Variants in EIF2AK1 observed in about 807,000 individuals in gnomAD.
The protein encoded by EIF2AK1 is eukaryotic translation initiation factor 2 alpha kinase 1.
A neutral mutation model predicts 77.9 loss-of-function variants in EIF2AK1; 54 were observed. The observed-to-expected ratio is 0.69, with a 90% CI of 0.56 to 0.87. The LOEUF (loss-of-function observed/expected upper bound fraction) is 0.87. Among genes scored for constraint, EIF2AK1 ranks in the 40% least tolerant of loss-of-function variants. The probability of loss-of-function intolerance (pLI) is 0.00; values close to 1 mark genes in which losing one functional copy is unlikely to be tolerated. For synonymous variants in EIF2AK1, 314 were observed against 290.5 expected, an observed-to-expected ratio of 1.08 and a Z score of -0.82; for missense variants, 810 against 768.6, an observed-to-expected ratio of 1.05 and a Z score of -0.64.
intron 1 of EIF2AK1, among the ~76,000 whole-genome samples, chr7:6,056,047 C>G (rs1468802507): frequency 7.0e-6 from 1 of 143,436 alleles, no homozygotes; most frequent in Non-Finnish European, 1.5e-5. Flanking sequence ...AATTCCAGCA[C>G]TTAGAGAGGC....
chr7:6,038,666 C>G lies in EIF2AK1; in HGVS notation c.1125G>C (p.Gln375His). 1 of 1,610,428 alleles carries G rather than the reference C, an allele frequency of 6.2e-7. No individual in the cohort carries two copies. The highest frequency in any genetic ancestry group is 8.5e-7 in the Non-Finnish European group (1 of 1,178,220). The part of the protein sequence containing the change: ...NVNFLGQTEA[Q>H]YHLMLHIQMQ... ...TCTGGATGTGCAGCATCAGGTGGTA[C>G]TGTGCCTAGGAGAGGACACAGTGAT... The change falls in exon 10 of 15, where the codon CAG becomes CAC. Residue 375 changes from glutamine to histidine, a missense_variant. Coordinates refer to ENST00000199389, the MANE Select transcript of EIF2AK1 (RefSeq NM_014413.4).
rs762745274 is a variant in EIF2AK1, at chr7:6,023,562, C to T, written c.*1111G>A. ...CTGGGAATGAACTCACCGTAGCAGACGTGGTGCTGTGGTCTGTACTCCAGC... is the reference window on the plus strand; with the variant it reads ...CTGGGAATGAACTCACCGTAGCAGATGTGGTGCTGTGGTCTGTACTCCAGC... On this transcript the variant is annotated 3_prime_UTR_variant, in exon 15 of 15. Transcript: ENST00000199389. 9 of 1,614,214 alleles carry T rather than the reference C, an allele frequency of 5.6e-6. No individual in the cohort carries two copies. Among genetic ancestry groups the T allele is most frequent in the Admixed American group, 3.3e-5 (2 of 60,022 alleles).
chr7:6,055,825 C>T (rs908303215), intron 1 of EIF2AK1, among the ~76,000 whole-genome samples: 1 of 143,600 alleles, frequency 7.0e-6, no homozygotes, highest in South Asian at 2.2e-4. Context: ...TACGAAAAAA[C>T]AAAATTAGCC....
intron 9 of EIF2AK1, among the ~76,000 whole-genome samples, chr7:6,039,231 A>C (rs1350903217): frequency 6.6e-6 from 1 of 152,194 alleles, no homozygotes; most frequent in Non-Finnish European, 1.5e-5. Flanking sequence ...TTTTCCAAAT[A>C]AAATACAGAG....
rs1227116674 is a variant in EIF2AK1 at position 6,034,003 on chromosome 7, C to T, written c.1332+3421G>A. Among the ~76,000 whole-genome samples, 2 of 151,864 alleles carry T rather than the reference C, an allele frequency of 1.3e-5. 1 individual carries two copies. The highest frequency in any genetic ancestry group is 2.9e-5 in the Non-Finnish European group (2 of 68,026). On this transcript the variant is annotated intron_variant, in intron 11 of 14. Transcript: ENST00000199389. ...GACACTTAGCACGTGCTCAGTAATACTATCCGAGTGAATGAAAGAATTAAG... is the reference window on the plus strand; with the variant it reads ...GACACTTAGCACGTGCTCAGTAATATTATCCGAGTGAATGAAAGAATTAAG...
chr7:6,041,199 T>C lies in EIF2AK1; in HGVS notation c.812A>G (p.Asn271Ser). The change falls in exon 9 of 15, where the codon AAT (asparagine) becomes AGT (serine). Residue 271 changes from asparagine (N) to serine (S), a missense_variant. Physicochemically the swap from Asn to Ser is conservative, Grantham distance 46. Around this residue, in one of 3 missense-constraint regions of EIF2AK1, gnomAD observed 549 missense variants for 533.7 expected, o/e 1.03. Transcript: ENST00000199389. The stretch of plus-strand genomic sequence containing the variant: ...AATGGATGAGCTGCTACTTTCATCA[T>C]TTTTAACACCACATTGCTCTCTGAA... ...EEDREQCGVK[N>S]DESSSSSIIF... 1 of 1,607,108 alleles carries C rather than the reference T, an allele frequency of 6.2e-7. No homozygotes were observed. The highest frequency in any genetic ancestry group is 8.5e-7 in the Non-Finnish European group (1 of 1,178,606).
intron 4 of EIF2AK1, 25 bp from the exon 5 acceptor site, chr7:6,047,116 A>G (rs1044536565): frequency 6.3e-7 from 1 of 1,589,316 alleles, no homozygotes; most frequent in Non-Finnish European, 8.6e-7. Context: ...CAAACAATCA[A>G]TATTAAAACA....
Position 6,056,613 on chromosome 7 carries a change from A to AATAT in EIF2AK1, c.119-1913_119-1910dup, listed in dbSNP as rs71008353. ...CATCTCAAGGGAAAAAAAAAAAAAA[A>AATAT]ATATATATATATATATATATATAAA... On this transcript the variant is annotated intron_variant, in intron 1 of 14. Coordinates refer to ENST00000199389, the MANE Select transcript of EIF2AK1 (RefSeq NM_014413.4). Among the ~76,000 whole-genome samples, 15 of 43,738 alleles carry AATAT rather than the reference A, an allele frequency of 3.4e-4. 1 individual carries two copies. Among genetic ancestry groups the AATAT allele is most frequent in the South Asian group, 8.1e-4 (1 of 1,238 alleles). 28.7% of individuals were successfully genotyped at this position (43,738 alleles called of 152,430 possible).
In EIF2AK1 at chr7:6,023,251, C is replaced by T. The variant is rs1787567578; in HGVS notation, c.*1422G>A. 7 of 1,525,792 alleles carry T rather than the reference C, an allele frequency of 4.6e-6. No homozygotes were observed. In the South Asian group the frequency reaches 9.1e-5, roughly 20 times the overall value. 94.5% of individuals were successfully genotyped at this position (1,525,792 alleles called of 1,614,324 possible). ...TGTCCCCTTCCCCACTGTGCGAGTA[C>T]TTCCCTCAGGGCTGCTCTGGTGATG... On this transcript the variant is annotated 3_prime_UTR_variant, in exon 15 of 15. Coordinates refer to ENST00000199389, the MANE Select transcript of EIF2AK1 (RefSeq NM_014413.4).
Position 6,024,548 on chromosome 7 carries a change from A to G in EIF2AK1, c.*125T>C. On this transcript the variant is annotated 3_prime_UTR_variant, in exon 15 of 15. Transcript: ENST00000199389. ...AAGGGAAGGAACGGCAGCTTGGGGCACTCTGACATCTTTAACAAGTCTTGT... is the reference window on the plus strand; with the variant it reads ...AAGGGAAGGAACGGCAGCTTGGGGCGCTCTGACATCTTTAACAAGTCTTGT... 1 of 1,506,956 alleles carries G rather than the reference A, an allele frequency of 6.6e-7. No individual in the cohort carries two copies. The highest frequency in any genetic ancestry group is 2.3e-5 in the Admixed American group (1 of 43,040). 93.3% of individuals were successfully genotyped at this position (1,506,956 alleles called of 1,614,324 possible). A position where few individuals can be genotyped will look rare whatever the true frequency, so the allele number is the denominator to read the frequency against.
chr7:6,047,154 C>G, intron 4 of EIF2AK1, 63 bp from the exon 5 acceptor site: 1 of 1,466,680 alleles, frequency 6.8e-7, no homozygotes, highest in Non-Finnish European at 9.5e-7. Flanking sequence ...TCTAGGATAC[C>G]TCATGCTCAC....
intron 2 of EIF2AK1, among the ~76,000 whole-genome samples, chr7:6,052,391 C>T (rs866064227): frequency 2.6e-5 from 4 of 151,746 alleles, no homozygotes; most frequent in African/African-American, 7.2e-5. Flanking sequence ...CACCTCCCAC[C>T]ACATATGCCA....
intron 1 of EIF2AK1, among the ~76,000 whole-genome samples, chr7:6,055,676 T>TAA (rs34819894): frequency 4.4e-4 from 51 of 116,230 alleles, no homozygotes; most frequent in African/African-American, 6.7e-4. Context: ...ACTAAACAGG[T>TAA]AAAAAAAAAA....
In EIF2AK1 at chr7:6,048,899, G is replaced by C. The variant is rs141020651; in HGVS notation, c.412-55C>G. 3.8e-6 allele frequency: 5 copies of C among 1,304,536 alleles called. No individual in the cohort carries two copies. In the African/African-American group the frequency reaches 4.5e-5, roughly 12 times the overall value. The allele number at this position is 1,304,536 out of a possible 1,614,324, so 80.8% of individuals were successfully genotyped here. ...ATTTTGAAAACTTGCATGGAATAAA[G>C]AACCTATCAAAATTCAATATCACAT... On this transcript the variant is annotated intron_variant, in intron 3 of 14. Coordinates refer to ENST00000199389, the MANE Select transcript of EIF2AK1 (RefSeq NM_014413.4).
At chr7:6,055,875 C>A (rs1788741274) in intron 1 of EIF2AK1, among the ~76,000 whole-genome samples, 1 of 146,034 alleles carries the variant, frequency 6.8e-6, no homozygotes, top group Non-Finnish European at 1.5e-5. Flanking sequence ...CCTAGCCACT[C>A]AGGAGGCTGA....
chr7:6,053,288 A>G (rs1242832751), intron 2 of EIF2AK1, among the ~76,000 whole-genome samples: 3 of 152,326 alleles, frequency 2.0e-5, no homozygotes, highest in East Asian at 3.9e-4. Context: ...TAATCACATC[A>G]GGATAAATGG....
At position 6,023,301 on chromosome 7, in the gene EIF2AK1, A is replaced by G. The variant is rs869312968; in HGVS notation, c.*1372T>C. 6.9e-6 allele frequency: 11 copies of G among 1,583,442 alleles called. No homozygotes were observed. The Admixed American group carries it at 9.0e-5, about 13-fold the overall frequency. On this transcript the variant is annotated 3_prime_UTR_variant, in exon 15 of 15. Transcript: ENST00000199389. ...GCTACCTGGCGTGTTTTTTCTTTTC[A>G]GTGCCGAAGACGCAGATGAAATTCA...
intron 1 of EIF2AK1, among the ~76,000 whole-genome samples, chr7:6,057,800 T>C (rs917339378): frequency 2.6e-5 from 4 of 151,968 alleles, no homozygotes; most frequent in Non-Finnish European, 5.9e-5. Context: ...CCCAGCTAAT[T>C]TGTATTTTTA....
chr7:6,058,075 T>C, intron 1 of EIF2AK1: 1 of 452,890 alleles, frequency 2.2e-6, no homozygotes, highest in Non-Finnish European at 4.4e-6. Flanking sequence ...CTATGCTAAG[T>C]AACTTAGCTA....
Sources: allele counts gnomAD v4.1 joint callset (sites outside exome capture counted in the v4.1 genomes callset), GRCh38; gene constraint gnomAD v4.1.1; regional missense constraint gnomAD v4.1.1; transcripts MANE v1.5; gene names NCBI Gene and HGNC (gene_info 2026-07-23, HGNC 2026-07-21).